Variants in ZNF503 observed in about 807,000 individuals in gnomAD.
ZNF503 encodes zinc finger protein 503.
A neutral mutation model predicts 34.4 loss-of-function variants in ZNF503; 15 were observed. The observed-to-expected ratio is 0.44, with a 90% confidence interval of 0.29 to 0.67. The LOEUF (loss-of-function observed/expected upper bound fraction) is 0.67. Ranked by LOEUF, ZNF503 falls within the 30% of genes least tolerant of loss-of-function variation. The pLI is 0.13. For missense variants in ZNF503, 1,007 were observed against 926.8 expected, an observed-to-expected ratio of 1.09 and a Z score of -1.12; for synonymous variants, 580 against 456.8, an observed-to-expected ratio of 1.27 and a Z score of -3.44.
the ZNF503 span, chr10:75,288,752 G>A: frequency 1.3e-5 from 2 of 152,280 alleles, no homozygotes; most frequent in African/African-American, 4.8e-5. Flanking sequence ...AGGATAAAGA[G>A]GGAAATTCAC....
chr10:75,366,819 C>T, the ZNF503 span, among the ~76,000 whole-genome samples: 4 of 152,242 alleles, frequency 2.6e-5, no homozygotes, highest in Admixed American at 1.3e-4. Flanking sequence ...CTAGCTCCTT[C>T]GTCCCGCGGG....
At chr10:75,350,078 T>A in the ZNF503 span, among the ~76,000 whole-genome samples, 1 of 152,206 alleles carries the variant, frequency 6.6e-6, no homozygotes, top group Non-Finnish European at 1.5e-5. Flanking sequence ...TTTCTCTTTC[T>A]CCTTTTGAAG....
downstream of ZNF503, among the ~76,000 whole-genome samples, chr10:75,394,112 C>T (rs369876000): frequency 5.3e-5 from 8 of 152,278 alleles, no homozygotes; most frequent in South Asian, 2.1e-4. Context: ...ACTGTCTTTC[C>T]GCTGCTGAGC....
At chr10:75,382,627 T>C in the ZNF503 span, 1 of 391,876 alleles carries the variant, frequency 2.6e-6, no homozygotes, top group Non-Finnish European at 5.0e-6. Context: ...GCTCCTCGAA[T>C]GCATGACTGT....
At chr10:75,323,610 C>T in the ZNF503 span, among the ~76,000 whole-genome samples, 1 of 152,108 alleles carries the variant, frequency 6.6e-6, no homozygotes, top group African/African-American at 2.4e-5. Context: ...TTGCATGTCC[C>T]TAATGACTAA....
chr10:75,291,199 A>G, the ZNF503 span, among the ~76,000 whole-genome samples: 1 of 152,202 alleles, frequency 6.6e-6, no homozygotes. Flanking sequence ...TCAAAGACTG[A>G]ATTTCCTGAC....
At chr10:75,319,389 GTCTC>G in the ZNF503 span, among the ~76,000 whole-genome samples, 1 of 152,192 alleles carries the variant, frequency 6.6e-6, no homozygotes, top group Admixed American at 6.6e-5. Flanking sequence ...AGGGAGGTAA[GTCTC>G]TATACTTCAC....
the ZNF503 span, among the ~76,000 whole-genome samples, chr10:75,294,981 G>A: frequency 6.6e-6 from 1 of 152,184 alleles, no homozygotes; most frequent in Non-Finnish European, 1.5e-5. Flanking sequence ...AGCTGAACTG[G>A]CAGAGCACTT....
the ZNF503 span, among the ~76,000 whole-genome samples, chr10:75,287,017 G>A: frequency 6.6e-6 from 1 of 152,306 alleles, no homozygotes; most frequent in Middle Eastern, 3.4e-3. Context: ...AGCTGAAGGG[G>A]CATGACCCTG....
the ZNF503 span, among the ~76,000 whole-genome samples, chr10:75,369,769 T>A: frequency 6.6e-6 from 1 of 152,198 alleles, no homozygotes; most frequent in Admixed American, 6.6e-5. Flanking sequence ...AGAATCTGGA[T>A]AGATATGAAG....
At chr10:75,340,614 T>C in the ZNF503 span, among the ~76,000 whole-genome samples, 2 of 152,214 alleles carry the variant, frequency 1.3e-5, no homozygotes, top group Non-Finnish European at 2.9e-5. Context: ...TTTTTGTTTT[T>C]TGAGACAGAG....
the ZNF503 span, chr10:75,280,411 T>C: frequency 6.6e-6 from 1 of 152,380 alleles, no homozygotes; most frequent in East Asian, 1.9e-4. Flanking sequence ...TCTCCTTTCC[T>C]GACAGATGGC....
chr10:75,334,592 G>A, the ZNF503 span, among the ~76,000 whole-genome samples: 3 of 152,186 alleles, frequency 2.0e-5, no homozygotes, highest in South Asian at 2.1e-4. Context: ...ATCTTGGATC[G>A]GGCTGGTTTA....
In ZNF503 at chr10:75,399,333, G is replaced by C. The variant is rs773474618; in HGVS notation, c.1357C>G (p.His453Asp). 6.2e-7 allele frequency: 1 copy of C among 1,605,566 alleles called. No homozygotes were observed. The highest frequency in any genetic ancestry group is 1.1e-5 in the South Asian group (1 of 90,484). Residue 453 changes from histidine (H) to aspartate (D), a missense_variant, in exon 2 of 2, where the codon CAT becomes GAT. His to Asp is a moderately conservative substitution (Grantham distance 81). Coordinates refer to ENST00000372524, the MANE Select transcript of ZNF503 (RefSeq NM_032772.6). ...GAAAASASCA[H>D]DPAAAAAALK... Reference sequence around the variant, plus strand: ...GCCGCAGCCGCAGCAGCCGGATCATGTGCGCAAGAAGCGCTGGCGGCCGCC... The same window carrying C: ...GCCGCAGCCGCAGCAGCCGGATCATCTGCGCAAGAAGCGCTGGCGGCCGCC...
the ZNF503 span, among the ~76,000 whole-genome samples, chr10:75,388,706 C>T: frequency 5.3e-5 from 8 of 152,298 alleles, no homozygotes; most frequent in South Asian, 1.2e-3. Context: ...AGTGAGGTTG[C>T]ACAAGTGTAC....
the ZNF503 span, among the ~76,000 whole-genome samples, chr10:75,309,616 T>C: frequency 6.6e-6 from 1 of 152,236 alleles, no homozygotes; most frequent in Non-Finnish European, 1.5e-5. Flanking sequence ...CATAATGCTA[T>C]TGCACACTTA....
downstream of ZNF503, among the ~76,000 whole-genome samples, chr10:75,393,337 GCGGGATGAGCC>G (rs2131981656): frequency 6.6e-6 from 1 of 152,362 alleles, no homozygotes; most frequent in East Asian, 1.9e-4. Context: ...AGGTGGGGCA[GCGGGATGAGCC>G]CTGGATTGGG....
chr10:75,372,206 A>G, the ZNF503 span, among the ~76,000 whole-genome samples: 8 of 152,372 alleles, frequency 5.3e-5, no homozygotes, highest in Middle Eastern at 6.8e-3. Context: ...TGCTGGGATT[A>G]CAGGCGTGAG....
upstream of ZNF503, chr10:75,401,824 C>T (rs1843833326): frequency 4.9e-6 from 1 of 203,672 alleles, no homozygotes; most frequent in African/African-American, 2.4e-5. Flanking sequence ...CCTTTGCCGC[C>T]TTCCAATCAA....
Sources: allele counts gnomAD v4.1 joint callset (sites outside exome capture counted in the v4.1 genomes callset), GRCh38; gene constraint gnomAD v4.1.1; transcripts MANE v1.5; gene names NCBI Gene and HGNC (gene_info 2026-07-23, HGNC 2026-07-21).